Variants in KCNIP4 observed in about 807,000 individuals in gnomAD.
KCNIP4 encodes the protein potassium voltage-gated channel interacting protein 4, also known as Kv channel-interacting protein 4.
A neutral mutation model predicts 34.0 loss-of-function variants in KCNIP4; 12 were observed. That is an observed-to-expected ratio of 0.35 (90% CI 0.23 to 0.57). The LOEUF is 0.57. Ranked by LOEUF, KCNIP4 falls within the 20% of genes least tolerant of loss-of-function variation. The pLI is 0.83. For synonymous variants in KCNIP4, 124 were observed against 102.2 expected (o/e 1.21, Z -1.29); for missense variants, 238 against 311.7 (o/e 0.76, Z 1.78).
intron 1 of KCNIP4, among the ~76,000 whole-genome samples, chr4:21,472,469 A>G (rs954056395): frequency 3.3e-5 from 5 of 152,154 alleles, no homozygotes; most frequent in Non-Finnish European, 7.3e-5. Context: ...TACTACAACT[A>G]TCATTACCTT....
At chr4:21,060,107 A>C (rs1047764851) in intron 1 of KCNIP4, among the ~76,000 whole-genome samples, 2 of 152,154 alleles carry the variant, frequency 1.3e-5, no homozygotes, top group African/African-American at 4.8e-5. Flanking sequence ...ATAGCTCAGA[A>C]GTTCCAGTTT....
chr4:21,321,622 G>T (rs114263053), intron 1 of KCNIP4, among the ~76,000 whole-genome samples: 1 of 151,604 alleles, frequency 6.6e-6, no homozygotes, highest in East Asian at 1.9e-4. Flanking sequence ...GAGAATAAAA[G>T]AACAGGAGTA....
chr4:21,781,684 CT>C (rs1457064328), intron 1 of KCNIP4, among the ~76,000 whole-genome samples: 2 of 152,102 alleles, frequency 1.3e-5, no homozygotes, highest in Non-Finnish European at 2.9e-5. Flanking sequence ...ATAAAATAGA[CT>C]TTTTCCTCCT....
intron 1 of KCNIP4, among the ~76,000 whole-genome samples, chr4:21,386,379 C>A (rs1487650961): frequency 6.6e-6 from 1 of 151,908 alleles, no homozygotes; most frequent in Non-Finnish European, 1.5e-5. Flanking sequence ...ATACTTTGAC[C>A]ACTGTTTATA....
chr4:20,849,707 T>C (rs968761959), intron 3 of KCNIP4, among the ~76,000 whole-genome samples: 9 of 152,200 alleles, frequency 5.9e-5, no homozygotes, highest in Non-Finnish European at 1.3e-4. Context: ...TCCATATGTA[T>C]AAGAACAAAC....
At chr4:21,367,219 T>C (rs992792815) in intron 1 of KCNIP4, among the ~76,000 whole-genome samples, 1 of 152,188 alleles carries the variant, frequency 6.6e-6, no homozygotes, top group Non-Finnish European at 1.5e-5. Context: ...TCTCAGGTTT[T>C]TTTTGTTGTA....
At chr4:20,782,301 G>T (rs963677824) in intron 3 of KCNIP4, among the ~76,000 whole-genome samples, 1 of 152,096 alleles carries the variant, frequency 6.6e-6, no homozygotes, top group African/African-American at 2.4e-5. Flanking sequence ...GAGGATGGTG[G>T]CCCTCTTCTC....
intron 3 of KCNIP4, among the ~76,000 whole-genome samples, chr4:20,839,825 CA>C (rs34258612): frequency 0.39 from 59,173 of 151,830 alleles, 12,055 homozygotes; most frequent in Non-Finnish European, 0.46. Context: ...GTATCTTGCC[CA>C]AGGGTAACCA....
intron 1 of KCNIP4, among the ~76,000 whole-genome samples, chr4:21,655,404 A>T: frequency 6.6e-6 from 1 of 152,130 alleles, no homozygotes; most frequent in Non-Finnish European, 1.5e-5. Flanking sequence ...TTTTACAAGC[A>T]GGGAGAGACC....
intron 1 of KCNIP4, among the ~76,000 whole-genome samples, chr4:21,264,523 T>G (rs1761676202): frequency 6.6e-6 from 1 of 152,164 alleles, no homozygotes; most frequent in Non-Finnish European, 1.5e-5. Context: ...GCTGTGTTAT[T>G]TAATCTGTGC....
chr4:20,963,934 T>C (rs1160946041), intron 1 of KCNIP4, among the ~76,000 whole-genome samples: 1 of 152,198 alleles, frequency 6.6e-6, no homozygotes, highest in African/African-American at 2.4e-5. Context: ...TGCCAACCTC[T>C]CCACATGGTG....
intron 1 of KCNIP4, among the ~76,000 whole-genome samples, chr4:21,828,257 T>C (rs932547001): frequency 6.6e-6 from 1 of 151,722 alleles, no homozygotes; most frequent in Non-Finnish European, 1.5e-5. Context: ...TTAGACACAG[T>C]ATATTAGAAC....
Position 21,860,269 on chromosome 4 carries a change from G to A in KCNIP4, c.61+88302C>T, listed in dbSNP as rs181414862. Among the ~76,000 whole-genome samples the A allele has an allele frequency of 2.2e-3, 339 of 152,220 alleles. 1 individual carries two copies. Among genetic ancestry groups the A allele is most frequent in the African/African-American group, 7.8e-3 (324 of 41,556 alleles). ...GTGCCTCAGCCTCCCAAGTAGCTGAGATTACAGGCATGTGCCACCACACCC... is the reference window on the plus strand; with the variant it reads ...GTGCCTCAGCCTCCCAAGTAGCTGAAATTACAGGCATGTGCCACCACACCC... On this transcript the variant is annotated intron_variant, in intron 1 of 8. Coordinates refer to ENST00000382152, the MANE Select transcript of KCNIP4 (RefSeq NM_025221.6).
chr4:21,684,625 C>T (rs886984476), intron 1 of KCNIP4, among the ~76,000 whole-genome samples: 2 of 151,752 alleles, frequency 1.3e-5, no homozygotes, highest in Admixed American at 1.3e-4. Flanking sequence ...TAGGAAAAAG[C>T]CAAGATTAAT....
intron 1 of KCNIP4, among the ~76,000 whole-genome samples, chr4:20,890,358 C>T (rs544461151): frequency 6.1e-4 from 93 of 151,922 alleles, no homozygotes; most frequent in African/African-American, 1.4e-3. Context: ...AGAAATAGGA[C>T]GGGGAAAGAC....
chr4:21,001,088 C>T (rs1738092111), intron 1 of KCNIP4, among the ~76,000 whole-genome samples: 1 of 152,116 alleles, frequency 6.6e-6, no homozygotes. Context: ...GCACTGAGAA[C>T]AGATTTGACA....
intron 1 of KCNIP4, among the ~76,000 whole-genome samples, chr4:21,738,109 AAATAAATAAATAAATAAATAAATAAAT>A (rs1041753821): frequency 4.1e-5 from 5 of 121,118 alleles, no homozygotes; most frequent in African/African-American, 2.3e-4. Context: ...ATAAATAAAT[AAATAAATAAATAAATAAATAAATAAAT>A]AATAAATAAA....
At chr4:20,964,793 G>A (rs1210707575) in intron 1 of KCNIP4, among the ~76,000 whole-genome samples, 2 of 152,088 alleles carry the variant, frequency 1.3e-5, no homozygotes, top group Non-Finnish European at 2.9e-5. Context: ...AGCTAATATG[G>A]AGTAATTGGT....
intron 1 of KCNIP4, among the ~76,000 whole-genome samples, chr4:21,401,726 A>C (rs957879983): frequency 6.6e-6 from 1 of 152,178 alleles, no homozygotes; most frequent in Non-Finnish European, 1.5e-5. Flanking sequence ...CTGATGTGCT[A>C]ATTCATAGCA....
Sources: allele counts gnomAD v4.1 joint callset (sites outside exome capture counted in the v4.1 genomes callset), GRCh38; gene constraint gnomAD v4.1.1; transcripts MANE v1.5; gene names NCBI Gene and HGNC (gene_info 2026-07-23, HGNC 2026-07-21).